The following NIBAN1 variants were observed in gnomAD, a reference collection of about 807,000 sequenced individuals.
NIBAN1 encodes protein Niban 1.
A neutral mutation model predicts 75.1 loss-of-function variants in NIBAN1; 81 were observed. That is an observed-to-expected ratio of 1.08 (90% CI 0.90 to 1.30). The LOEUF is 1.30. Ranked by LOEUF, NIBAN1 falls within the 50% of genes most tolerant of loss-of-function variation. The pLI, the probability that NIBAN1 is intolerant of heterozygous loss-of-function variation, is 0.00. For synonymous variants in NIBAN1, 436 were observed against 424.8 expected, an observed-to-expected ratio of 1.03 and a Z score of -0.32; for missense variants, 1,133 against 1,128.1, an observed-to-expected ratio of 1.00 and a Z score of -0.06.
rs79772774 is a variant in NIBAN1, at chr1:184,969,692, C to CT, written c.55+4609dup. On this transcript the variant is annotated intron_variant, in intron 1 of 13. Coordinates refer to ENST00000367511, the MANE Select transcript of NIBAN1 (RefSeq NM_052966.4). ...AGAGGGCAATATCAGGAGTTTCTTT[C>CT]TTTTTTTTTTTTTTTTAAAGAGAGA... Among the ~76,000 whole-genome samples, 314 of 139,802 alleles carry CT rather than the reference C, an allele frequency of 2.2e-3. 1 individual carries two copies. The highest frequency in any genetic ancestry group is 0.019 in the Middle Eastern group (5 of 264). 91.7% of individuals were successfully genotyped at this position (139,802 alleles called of 152,430 possible).
chr1:184,891,363 C>T (rs1300180705), intron 3 of NIBAN1, among the ~76,000 whole-genome samples: 1 of 152,142 alleles, frequency 6.6e-6, no homozygotes, highest in African/African-American at 2.4e-5. Flanking sequence ...GCTCTAAGAA[C>T]TCCCACAGAG....
chr1:184,797,619 A>G (rs546006198), intron 13 of NIBAN1, among the ~76,000 whole-genome samples: 1 of 151,180 alleles, frequency 6.6e-6, no homozygotes, highest in Admixed American at 6.6e-5. Context: ...GAGAGCCATT[A>G]ATAAGCCTTG....
intron 1 of NIBAN1, among the ~76,000 whole-genome samples, chr1:184,906,125 C>T (rs559142130): frequency 1.3e-5 from 2 of 150,862 alleles, no homozygotes; most frequent in Non-Finnish European, 2.9e-5. Context: ...CCTGTAGTTG[C>T]AGCTACTCAG....
chr1:184,913,813 T>C (rs187458208), intron 1 of NIBAN1, among the ~76,000 whole-genome samples: 1 of 152,322 alleles, frequency 6.6e-6, no homozygotes, highest in Non-Finnish European at 1.5e-5. Flanking sequence ...ATTTTAAAAG[T>C]AGATGCTCTC....
intron 5 of NIBAN1, among the ~76,000 whole-genome samples, chr1:184,841,170 A>G (rs1451486262): frequency 6.6e-6 from 1 of 152,168 alleles, no homozygotes; most frequent in African/African-American, 2.4e-5. Flanking sequence ...CCAAAAACAC[A>G]TCCATATAAG....
At chr1:184,833,639 C>T (rs1183651498) in intron 5 of NIBAN1, among the ~76,000 whole-genome samples, 1 of 151,992 alleles carries the variant, frequency 6.6e-6, no homozygotes, top group Non-Finnish European at 1.5e-5. Flanking sequence ...GAGTTTGAGG[C>T]TGCAGTGAGC....
intron 5 of NIBAN1, among the ~76,000 whole-genome samples, chr1:184,877,911 ATTTT>A (rs755903297): frequency 7.0e-6 from 1 of 143,686 alleles, no homozygotes. Flanking sequence ...GAACAAAACA[ATTTT>A]TTTTTTTTGC....
rs373708693 is a variant in NIBAN1 at position 184,791,181 on chromosome 1, G to C, written c.*3796C>G. The C allele has an allele frequency of 5.3e-4, 216 of 403,906 alleles. No individual in the cohort carries two copies. Among genetic ancestry groups the C allele is most frequent in the South Asian group, 3.9e-3 (211 of 54,654 alleles). 25.0% of individuals were successfully genotyped at this position (403,906 alleles called of 1,614,324 possible). A position where few individuals can be genotyped will look rare whatever the true frequency, so the allele number is the denominator to read the frequency against. ...TTCTTGAAGTTGCAGACTTTAGAAG[G>C]CAAACCCTCAAACCCGTCTCTTTAT... On this transcript the variant is annotated 3_prime_UTR_variant, in exon 14 of 14. Coordinates refer to ENST00000367511, the MANE Select transcript of NIBAN1 (RefSeq NM_052966.4).
intron 12 of NIBAN1, among the ~76,000 whole-genome samples, chr1:184,802,609 T>A (rs1259044854): frequency 6.6e-5 from 10 of 152,212 alleles, no homozygotes; most frequent in African/African-American, 2.4e-4. Context: ...ACTTACAGAC[T>A]ATAAAAATGA....
At chr1:184,912,608 T>C (rs1657271085) in intron 1 of NIBAN1, among the ~76,000 whole-genome samples, 1 of 152,220 alleles carries the variant, frequency 6.6e-6, no homozygotes, top group Non-Finnish European at 1.5e-5. Context: ...ATATATTTAC[T>C]GGCCATTGCG....
chr1:184,829,901 C>T (rs1654950269), intron 6 of NIBAN1, among the ~76,000 whole-genome samples: 2 of 152,138 alleles, frequency 1.3e-5, no homozygotes, highest in East Asian at 3.9e-4. Context: ...TAGTATATTC[C>T]CATGGTTGGT....
At chr1:184,805,096 G>A (rs144940727) in intron 11 of NIBAN1, among the ~76,000 whole-genome samples, 75 of 152,226 alleles carry the variant, frequency 4.9e-4, no homozygotes, top group African/African-American at 1.8e-3. Context: ...CCCCAATATT[G>A]TTTTTAATAT....
intron 5 of NIBAN1, among the ~76,000 whole-genome samples, chr1:184,832,719 C>T (rs1655031722): frequency 6.6e-6 from 1 of 152,068 alleles, no homozygotes; most frequent in African/African-American, 2.4e-5. Flanking sequence ...TCTAAACATA[C>T]TGGATTTTAA....
At chr1:184,920,032 G>C (rs1657489715) in intron 1 of NIBAN1, among the ~76,000 whole-genome samples, 1 of 152,030 alleles carries the variant, frequency 6.6e-6, no homozygotes, top group African/African-American at 2.4e-5. Context: ...TGACACCAAA[G>C]TCAGGGAAAT....
chr1:184,822,283 T>G (rs376223627), intron 8 of NIBAN1, among the ~76,000 whole-genome samples: 5 of 152,194 alleles, frequency 3.3e-5, no homozygotes, highest in Non-Finnish European at 5.9e-5. Flanking sequence ...CCATAGAATT[T>G]CATTCTGTAG....
intron 1 of NIBAN1, among the ~76,000 whole-genome samples, chr1:184,937,735 T>C (rs959904516): frequency 1.3e-5 from 2 of 152,200 alleles, no homozygotes; most frequent in Non-Finnish European, 2.9e-5. Flanking sequence ...TGTATTTCAG[T>C]TTGCCACTGA....
chr1:184,887,461 C>T (rs1656556362), intron 4 of NIBAN1, among the ~76,000 whole-genome samples: 1 of 152,146 alleles, frequency 6.6e-6, no homozygotes, highest in Non-Finnish European at 1.5e-5. Context: ...GCTTGGTGAG[C>T]CCACAGCTAC....
intron 1 of NIBAN1, among the ~76,000 whole-genome samples, chr1:184,973,435 C>G (rs1571616934): frequency 7.5e-6 from 1 of 133,982 alleles, no homozygotes; most frequent in East Asian, 2.2e-4. Flanking sequence ...GGGGATCTGG[C>G]GGCGGGGCGG....
intron 1 of NIBAN1, among the ~76,000 whole-genome samples, chr1:184,947,744 G>T (rs1462774044): frequency 1.3e-5 from 2 of 152,198 alleles, no homozygotes; most frequent in Non-Finnish European, 2.9e-5. Context: ...CTAAGTGTGA[G>T]CCAAGGGGTG....
Sources: gnomAD v4.1 joint callset for allele counts (sites outside exome capture counted in the v4.1 genomes callset) on GRCh38, gnomAD v4.1.1 for gene constraint, MANE v1.5 for transcripts, NCBI Gene and HGNC (gene_info 2026-07-23, HGNC 2026-07-21) for gene names.